Variants in ZFHX3 observed in about 807,000 individuals in gnomAD.
ZFHX3 encodes the protein zinc finger homeobox protein 3.
A neutral mutation model predicts 279.1 loss-of-function variants in ZFHX3; 42 were observed. The observed-to-expected ratio is 0.15, with a 90% confidence interval of 0.12 to 0.19. The LOEUF (loss-of-function observed/expected upper bound fraction) is 0.19, where lower values mean the gene tolerates loss of function less well. ZFHX3 is among the 10% of genes least tolerant of loss of function. ZFHX3 has a pLI of 1.00. For missense variants in ZFHX3, 4,981 were observed against 4,754.0 expected (o/e 1.05, Z -1.40); for synonymous variants, 2,293 against 1,957.8 (o/e 1.17, Z -4.52).
intron 1 of ZFHX3, among the ~76,000 whole-genome samples, chr16:73,741,493 T>C (rs1328193724): frequency 3.3e-5 from 5 of 152,260 alleles, no homozygotes; most frequent in African/African-American, 1.2e-4. Flanking sequence ...GCTTAAGACA[T>C]GGGTGGAAGA....
At position 72,882,334 on chromosome 16, in the gene ZFHX3, A is replaced by T. The variant is rs867220767; in HGVS notation, c.3448+7397T>A. Among the ~76,000 whole-genome samples the T allele has an allele frequency of 3.3e-5, 5 of 152,166 alleles. No homozygotes were observed. In the South Asian group the frequency reaches 1.0e-3, roughly 32 times the overall value. ...GGAGCCCTTGACCAAGAACAACACT[A>T]ACCAGAAGGGCAGTGTACAGCTGGT... On this transcript the variant is annotated intron_variant, in intron 4 of 9. Transcript: ENST00000268489.
chr16:73,489,001 G>T (rs2019016687), intron 2 of ZFHX3, among the ~76,000 whole-genome samples: 1 of 152,132 alleles, frequency 6.6e-6, no homozygotes, highest in African/African-American at 2.4e-5. Context: ...GTTTAGCATG[G>T]TATCAGATAC....
At chr16:73,878,652 C>A (rs2030034053) in intron 1 of ZFHX3, among the ~76,000 whole-genome samples, 1 of 150,666 alleles carries the variant, frequency 6.6e-6, no homozygotes, top group South Asian at 2.1e-4. Context: ...TAAGTCAAAT[C>A]TTTTGAGAGT....
Position 73,523,824 on chromosome 16 carries a change from A to G in ZFHX3, c.-1546-67566T>C, listed in dbSNP as rs181881080. 3.3e-5 allele frequency among the ~76,000 whole-genome samples: 5 copies of G among 152,298 alleles called. No individual in the cohort carries two copies. The East Asian group carries it at 7.7e-4, about 24-fold the overall frequency. ...TTACAATATTTAGATGTGGCAATTC[A>G]GACATCCACCATTGAAAATATAGAA... is the stretch of plus-strand genomic sequence containing the variant. On this transcript the variant is annotated intron_variant, in intron 2 of 17. Transcript: ENST00000641206.
intron 3 of ZFHX3, among the ~76,000 whole-genome samples, chr16:73,447,690 G>C (rs1415278170): frequency 6.6e-6 from 1 of 152,146 alleles, no homozygotes; most frequent in African/African-American, 2.4e-5. Flanking sequence ...ACATTAAACT[G>C]CTGCTAAGAG....
At chr16:73,260,002 C>G (rs2013774392) in intron 4 of ZFHX3, among the ~76,000 whole-genome samples, 1 of 151,908 alleles carries the variant, frequency 6.6e-6, no homozygotes, top group African/African-American at 2.4e-5. Context: ...TTTCCTTTCC[C>G]AGGATCCAAT....
intron 5 of ZFHX3, among the ~76,000 whole-genome samples, chr16:72,824,596 G>A (rs948740768): frequency 2.6e-5 from 4 of 151,952 alleles, no homozygotes; most frequent in Non-Finnish European, 2.9e-5. Context: ...TGGTCATCTC[G>A]TCCCAAATTA....
chr16:73,698,839 C>A (rs28808594), intron 1 of ZFHX3, among the ~76,000 whole-genome samples: 3 of 150,162 alleles, frequency 2.0e-5, no homozygotes, highest in African/African-American at 7.4e-5. Flanking sequence ...TGGAAAAAAC[C>A]AATGCAATTC....
At chr16:73,209,076 C>T (rs1463213407) in intron 5 of ZFHX3, among the ~76,000 whole-genome samples, 3 of 152,124 alleles carry the variant, frequency 2.0e-5, no homozygotes, top group Admixed American at 6.6e-5. Context: ...ATACTCTCTA[C>T]TTTTATAGCC....
intron 5 of ZFHX3, among the ~76,000 whole-genome samples, chr16:72,827,653 TG>T (rs1356223606): frequency 6.6e-6 from 1 of 152,256 alleles, no homozygotes; most frequent in Non-Finnish European, 1.5e-5. Context: ...ACTGGGATCT[TG>T]GTCCAGGCAA....
chr16:73,346,794 G>A (rs758810917), intron 3 of ZFHX3, among the ~76,000 whole-genome samples: 20 of 152,176 alleles, frequency 1.3e-4, no homozygotes, highest in Non-Finnish European at 2.1e-4. Flanking sequence ...TGGACACTGA[G>A]AATGGGGACC....
At chr16:73,284,648 T>G (rs2014548309) in intron 4 of ZFHX3, among the ~76,000 whole-genome samples, 1 of 152,184 alleles carries the variant, frequency 6.6e-6, no homozygotes, top group African/African-American at 2.4e-5. Context: ...CTCTGTTTTT[T>G]TTGTTTTGTT....
chr16:73,054,815 T>C (rs763224126), intron 1 of ZFHX3, among the ~76,000 whole-genome samples: 46 of 152,328 alleles, frequency 3.0e-4, no homozygotes, highest in Admixed American at 8.5e-4. Context: ...ACTGTAAATC[T>C]ATAACCACTG....
At chr16:72,883,305 A>C (rs1340028735) in intron 4 of ZFHX3, among the ~76,000 whole-genome samples, 1 of 152,180 alleles carries the variant, frequency 6.6e-6, no homozygotes, top group Non-Finnish European at 1.5e-5. Flanking sequence ...CAGAGTAATC[A>C]AACTACGAAT....
chr16:73,212,550 C>T (rs1487792751), intron 5 of ZFHX3, among the ~76,000 whole-genome samples: 3 of 152,244 alleles, frequency 2.0e-5, no homozygotes, highest in Admixed American at 6.5e-5. Context: ...GAGCTTCTAA[C>T]TGCTGTGCTC....
intron 3 of ZFHX3, among the ~76,000 whole-genome samples, chr16:72,904,942 C>CT (rs2039134029): frequency 6.6e-6 from 1 of 152,192 alleles, no homozygotes; most frequent in Non-Finnish European, 1.5e-5. Flanking sequence ...AGTGACTCTC[C>CT]TGCCTCAGCC....
chr16:72,920,759 C>T (rs538279215), intron 3 of ZFHX3, among the ~76,000 whole-genome samples: 4 of 151,730 alleles, frequency 2.6e-5, no homozygotes, highest in Admixed American at 1.3e-4. Flanking sequence ...TGGAAGACAA[C>T]AACTTTTTTA....
intron 2 of ZFHX3, among the ~76,000 whole-genome samples, chr16:73,635,762 T>C (rs957697632): frequency 6.6e-6 from 1 of 152,196 alleles, no homozygotes. Flanking sequence ...ATATTCTCCT[T>C]TGTCTTCAAC....
chr16:73,010,103 C>T (rs769401015), intron 1 of ZFHX3, among the ~76,000 whole-genome samples: 1 of 152,030 alleles, frequency 6.6e-6, no homozygotes, highest in African/African-American at 2.4e-5. Flanking sequence ...CACGGAGGCA[C>T]GCCCCATGGG....
Sources: allele counts gnomAD v4.1 joint callset (sites outside exome capture counted in the v4.1 genomes callset), GRCh38; gene constraint gnomAD v4.1.1; transcripts MANE v1.5; gene names NCBI Gene and HGNC (gene_info 2026-07-23, HGNC 2026-07-21).